NEDD9: variants seen among roughly 807,000 people sequenced by gnomAD.
NEDD9 encodes neural precursor cell expressed, developmentally down-regulated 9.
A neutral mutation model predicts 76.6 loss-of-function variants in NEDD9; 26 were observed. That is an observed-to-expected ratio of 0.34 (90% CI 0.25 to 0.47). The LOEUF is 0.47. NEDD9 is among the 20% of genes least tolerant of loss of function. The pLI is 1.00. For synonymous variants in NEDD9, 392 were observed against 414.2 expected (o/e 0.95, Z 0.65); for missense variants, 937 against 1,058.5 (o/e 0.89, Z 1.59).
At chr6:11,249,117 G>T (rs1759863955) in intron 3 of NEDD9, 1 of 455,804 alleles carries the variant, frequency 2.2e-6, no homozygotes. Flanking sequence ...TTTCTGCGAG[G>T]GTTTTTTGGG....
chr6:11,359,323 T>C (rs1353393048), intron 1 of NEDD9, among the ~76,000 whole-genome samples: 1 of 152,240 alleles, frequency 6.6e-6, no homozygotes, highest in African/African-American at 2.4e-5. Flanking sequence ...CAGAAGCAAA[T>C]GGGCCTTTGC....
chr6:11,209,482 G>A (rs1042783715), intron 2 of NEDD9, among the ~76,000 whole-genome samples: 1 of 152,178 alleles, frequency 6.6e-6, no homozygotes, highest in Non-Finnish European at 1.5e-5. Flanking sequence ...GAAAGCACTT[G>A]TACCTTCGGT....
intron 3 of NEDD9, among the ~76,000 whole-genome samples, chr6:11,303,059 AAGG>A (rs1419346051): frequency 6.6e-6 from 1 of 152,208 alleles, no homozygotes; most frequent in African/African-American, 2.4e-5. Flanking sequence ...TCAATTAGGA[AAGG>A]AGGAAGTCAA....
chr6:11,375,887 T>G (rs1052684881), intron 1 of NEDD9, among the ~76,000 whole-genome samples: 3 of 152,166 alleles, frequency 2.0e-5, no homozygotes, highest in Non-Finnish European at 4.4e-5. Flanking sequence ...TGCAGTGGCG[T>G]GATCTCGGCT....
chr6:11,364,352 C>G (rs1762726308), intron 1 of NEDD9, among the ~76,000 whole-genome samples: 1 of 152,112 alleles, frequency 6.6e-6, no homozygotes, highest in African/African-American at 2.4e-5. Context: ...TCTGATTTGT[C>G]TTTGAGGTAA....
At chr6:11,290,736 C>T (rs949295541) in intron 3 of NEDD9, among the ~76,000 whole-genome samples, 1 of 152,322 alleles carries the variant, frequency 6.6e-6, no homozygotes, top group Admixed American at 6.5e-5. Flanking sequence ...GCTGGGCTGT[C>T]ACTGACTAGC....
intron 3 of NEDD9, among the ~76,000 whole-genome samples, chr6:11,303,010 G>A (rs1761091603): frequency 6.6e-6 from 1 of 152,152 alleles, no homozygotes. Context: ...TGGAAGTTCT[G>A]GCTAGGGAAA....
At chr6:11,371,369 C>T (rs1049516895) in intron 1 of NEDD9, among the ~76,000 whole-genome samples, 1 of 152,170 alleles carries the variant, frequency 6.6e-6, no homozygotes, top group Non-Finnish European at 1.5e-5. Flanking sequence ...ACGCTTCTAC[C>T]ACTATCGTAT....
chr6:11,189,192 G>A (rs6907865), intron 5 of NEDD9, among the ~76,000 whole-genome samples: 2,353 of 152,264 alleles, frequency 0.015, 59 homozygotes, highest in African/African-American at 0.053. Flanking sequence ...TGATCCACCT[G>A]CTTCAGCCTC....
intron 1 of NEDD9, among the ~76,000 whole-genome samples, chr6:11,346,484 C>CCG (rs1554134767): frequency 6.6e-6 from 1 of 151,734 alleles, no homozygotes; most frequent in African/African-American, 2.4e-5. Context: ...GAGGCCCCCC[C>CCG]CCCCGAGGTG....
At chr6:11,337,209 T>G (rs1036321538) in intron 1 of NEDD9, among the ~76,000 whole-genome samples, 1 of 151,966 alleles carries the variant, frequency 6.6e-6, no homozygotes, top group Non-Finnish European at 1.5e-5. Flanking sequence ...CAGAGTGAGA[T>G]TCTGTCTCAA....
intron 1 of NEDD9, among the ~76,000 whole-genome samples, chr6:11,372,135 C>T (rs183765775): frequency 1.3e-5 from 2 of 151,210 alleles, no homozygotes; most frequent in Admixed American, 1.3e-4. Context: ...CCCCATAATC[C>T]CCCCCACCCA....
At chr6:11,297,331 C>T (rs909112323) in intron 3 of NEDD9, among the ~76,000 whole-genome samples, 4 of 152,152 alleles carry the variant, frequency 2.6e-5, no homozygotes, top group Non-Finnish European at 5.9e-5. Flanking sequence ...GAGACCTCTC[C>T]GCCTTCCTCC....
chr6:11,319,629 A>T (rs1241260036), intron 2 of NEDD9, among the ~76,000 whole-genome samples: 2 of 143,018 alleles, frequency 1.4e-5, no homozygotes, highest in Non-Finnish European at 3.1e-5. Flanking sequence ...ACACACACAC[A>T]CACTAACATG....
intron 1 of NEDD9, among the ~76,000 whole-genome samples, chr6:11,229,727 A>G (rs1759415014): frequency 6.6e-6 from 1 of 152,258 alleles, no homozygotes; most frequent in Non-Finnish European, 1.5e-5. Context: ...TACGTATGAC[A>G]GTGACTGCAA....
chr6:11,206,788 G>A (rs944680343), intron 2 of NEDD9, among the ~76,000 whole-genome samples: 6 of 127,962 alleles, frequency 4.7e-5, no homozygotes, highest in East Asian at 2.4e-4. Flanking sequence ...GCTTTGGCTC[G>A]GGTGACTTGT....
intron 3 of NEDD9, among the ~76,000 whole-genome samples, chr6:11,280,810 G>A (rs1421705606): frequency 6.6e-6 from 1 of 152,198 alleles, no homozygotes; most frequent in Non-Finnish European, 1.5e-5. Context: ...ATTGCCCTTG[G>A]TGTTTGCCAA....
chr6:11,331,446 T>C (rs1762036280), intron 2 of NEDD9, among the ~76,000 whole-genome samples: 1 of 152,078 alleles, frequency 6.6e-6, no homozygotes, highest in African/African-American at 2.4e-5. Context: ...GGAAGTATTA[T>C]ATAAAACAGT....
chr6:11,292,427 A>T (rs1472929385), intron 3 of NEDD9, among the ~76,000 whole-genome samples: 1 of 152,170 alleles, frequency 6.6e-6, no homozygotes, highest in Non-Finnish European at 1.5e-5. Context: ...CAGCAATCCC[A>T]TCTGGGTGAG....
Sources: gnomAD v4.1 joint callset for allele counts (sites outside exome capture counted in the v4.1 genomes callset) on GRCh38, gnomAD v4.1.1 for gene constraint, MANE v1.5 for transcripts, NCBI Gene and HGNC (gene_info 2026-07-23, HGNC 2026-07-21) for gene names.